The following ABHD6 variants were observed in gnomAD, a reference collection of about 807,000 sequenced individuals.
ABHD6 encodes the protein abhydrolase domain containing 6, acylglycerol lipase.
A neutral mutation model predicts 38.8 loss-of-function variants in ABHD6; 33 were observed. The ratio of observed to expected loss-of-function variants is 0.85; its 90% CI spans 0.64 to 1.14. The LOEUF is 1.14. ABHD6 is among the 50% of genes most tolerant of loss of function. The pLI, the probability that ABHD6 is intolerant of heterozygous loss-of-function variation, is 0.00. For synonymous variants in ABHD6, 147 were observed against 161.6 expected (o/e 0.91, Z 0.69); for missense variants, 380 against 422.6 (o/e 0.90, Z 0.88).
rs1014069353 is a variant in ABHD6 at position 58,257,969 on chromosome 3, G to T, written c.119+1264G>T. On this transcript the variant is annotated intron_variant, in intron 3 of 9. Coordinates refer to ENST00000478253, the MANE Select transcript of ABHD6 (RefSeq NM_001320126.2). The surrounding 1 kb of genome is among the most constrained non-coding windows in gnomAD (Gnocchi z 4.8). ...AAATCAAGTATTTAAAAAGTGATAT[G>T]AATATCACTCCCTTAAGTGAAAAGC... Among the ~76,000 whole-genome samples the T allele has an allele frequency of 6.6e-6, 1 of 152,014 alleles. No homozygotes were observed. Among genetic ancestry groups the T allele is most frequent in the East Asian group, 1.9e-4 (1 of 5,186 alleles).
Position 58,285,545 on chromosome 3 carries a change from G to T in ABHD6, c.837+92G>T. The stretch of plus-strand genomic sequence containing the variant: ...GGAAGAACAAGTGGTTATTTATGGA[G>T]TGAGCTGATCGCTGCTGTCAGGAAG... On this transcript the variant is annotated intron_variant, in intron 9 of 9. Coordinates refer to ENST00000478253, the MANE Select transcript of ABHD6 (RefSeq NM_001320126.2). The surrounding 1 kb of genome is among the most constrained non-coding windows in gnomAD (Gnocchi z 4.9). 1.8e-6 allele frequency: 2 copies of T among 1,129,572 alleles called. No individual in the cohort carries two copies. The highest frequency in any genetic ancestry group is 3.0e-5 in the African/African-American group (2 of 65,676). The allele number at this position is 1,129,572 out of a possible 1,614,324, so 70.0% of individuals were successfully genotyped here. A position where few individuals can be genotyped will look rare whatever the true frequency, so the allele number is the denominator to read the frequency against.
chr3:58,240,750 A>G (rs1207029501), intron 1 of ABHD6, among the ~76,000 whole-genome samples: 1 of 39,192 alleles, frequency 2.6e-5, no homozygotes, highest in South Asian at 6.2e-4. Context: ...TTTTTTTTTG[A>G]GACGGAGTCT....
chr3:58,261,416 G>A (rs1238918661), intron 3 of ABHD6, among the ~76,000 whole-genome samples: 1 of 152,116 alleles, frequency 6.6e-6, no homozygotes, highest in East Asian at 1.9e-4. Flanking sequence ...GATTGCTTGA[G>A]CCCAGGAGTT....
intron 9 of ABHD6, among the ~76,000 whole-genome samples, chr3:58,289,688 C>T (rs575347613): frequency 1.3e-5 from 2 of 152,334 alleles, no homozygotes; most frequent in Admixed American, 6.5e-5. Flanking sequence ...CCCCACCTTT[C>T]CCCCCTTTCT....
intron 9 of ABHD6, among the ~76,000 whole-genome samples, chr3:58,286,776 A>G (rs1438595203): frequency 2.0e-5 from 3 of 148,796 alleles, no homozygotes; most frequent in African/African-American, 7.4e-5. Flanking sequence ...CATGTTTGAA[A>G]GCTTAGATAT....
chr3:58,261,318 A>G (rs1219732734), intron 3 of ABHD6, among the ~76,000 whole-genome samples: 1 of 152,206 alleles, frequency 6.6e-6, no homozygotes, highest in Non-Finnish European at 1.5e-5. Flanking sequence ...AAATCTATAA[A>G]TAATTTGTTG....
chr3:58,267,553 T>C lies in ABHD6; in HGVS notation c.276+208T>C, dbSNP rs1204495017. Among the ~76,000 whole-genome samples, 2 of 152,026 alleles carry C rather than the reference T, an allele frequency of 1.3e-5. No homozygotes were observed. Among genetic ancestry groups the C allele is most frequent in the African/African-American group, 4.8e-5 (2 of 41,376 alleles). On this transcript the variant is annotated intron_variant, in intron 4 of 9. Transcript: ENST00000478253. This position sits in a 1 kb window ranked among gnomAD's most constrained non-coding sequence, Gnocchi z 4.3. ...GGTGGTGCATGCCTGTAGTCCTGGCTACTCAGGAGACTGAGGTGGGAAGAT... is the reference window on the plus strand; with the variant it reads ...GGTGGTGCATGCCTGTAGTCCTGGCCACTCAGGAGACTGAGGTGGGAAGAT...
rs145474633 is a variant in ABHD6 at position 58,262,483 on chromosome 3, A to G, written c.120-4706A>G. Among the ~76,000 whole-genome samples, 34 of 152,298 alleles carry G rather than the reference A, an allele frequency of 2.2e-4. 1 individual carries two copies. The highest frequency in any genetic ancestry group is 8.2e-4 in the African/African-American group (34 of 41,558). ...TTGGGGCTTTTCTATTTAGGTCAAT[A>G]GAGCCTTCAATGACTTCTGTCCCTG... On this transcript the variant is annotated intron_variant, in intron 3 of 9. Coordinates refer to ENST00000478253, the MANE Select transcript of ABHD6 (RefSeq NM_001320126.2).
At chr3:58,247,069 C>T (rs2097426934) in intron 1 of ABHD6, among the ~76,000 whole-genome samples, 1 of 147,450 alleles carries the variant, frequency 6.8e-6, no homozygotes, top group Non-Finnish European at 1.5e-5. Flanking sequence ...CAGAGCCTTA[C>T]TCTGTCACCC....
chr3:58,280,123 T>G (rs2097452013), intron 7 of ABHD6, among the ~76,000 whole-genome samples: 1 of 152,210 alleles, frequency 6.6e-6, no homozygotes, highest in Admixed American at 6.5e-5. Flanking sequence ...TTCCTGAATT[T>G]GAATGTTGGC....
rs1246722285 is a variant in ABHD6 at position 58,289,360 on chromosome 3, TCCTAGGCAGAGGA to T, written c.837+3910_837+3922del. Among the ~76,000 whole-genome samples, 3 of 151,778 alleles carry T rather than the reference TCCTAGGCAGAGGA, an allele frequency of 2.0e-5. No individual in the cohort carries two copies. The East Asian group carries it at 5.8e-4, about 29-fold the overall frequency. The stretch of plus-strand genomic sequence containing the variant: ...ACAAGTGAACAAAGGTCTCTGGTTT[TCCTAGGCAGAGGA>T]CCCTGAGGCCTTCCGCAGTGTTTGT... On this transcript the variant is annotated intron_variant, in intron 9 of 9. Transcript: ENST00000478253.
intron 2 of ABHD6, among the ~76,000 whole-genome samples, chr3:58,252,658 A>G (rs1325350490): frequency 1.3e-5 from 2 of 152,194 alleles, no homozygotes; most frequent in African/African-American, 2.4e-5. Context: ...CCTGCTCACT[A>G]AAGTCATCTT....
At chr3:58,264,207 G>A (rs1416615985) in intron 3 of ABHD6, among the ~76,000 whole-genome samples, 3 of 151,962 alleles carry the variant, frequency 2.0e-5, no homozygotes, top group Non-Finnish European at 2.9e-5. Flanking sequence ...AACACATAAC[G>A]CTGGCTGGAA....
chr3:58,254,851 TACAC>T (rs58771259), intron 2 of ABHD6, among the ~76,000 whole-genome samples: 42,726 of 146,694 alleles, frequency 0.29, 7,048 homozygotes, highest in East Asian at 0.76. Context: ...TATATGTGTA[TACAC>T]ACACACACAC....
At chr3:58,262,323 T>C (rs1575520708) in intron 3 of ABHD6, among the ~76,000 whole-genome samples, 2 of 152,356 alleles carry the variant, frequency 1.3e-5, no homozygotes, top group East Asian at 3.9e-4. Context: ...GTTTATGTTA[T>C]GTCTGTTTTA....
At chr3:58,276,438 C>G (rs2097448771) in intron 7 of ABHD6, among the ~76,000 whole-genome samples, 1 of 152,100 alleles carries the variant, frequency 6.6e-6, no homozygotes, top group African/African-American at 2.4e-5. Flanking sequence ...CTGTTCATAT[C>G]CTTTGCCCAC....
chr3:58,255,983 T>C (rs2097432954), intron 2 of ABHD6, among the ~76,000 whole-genome samples: 1 of 151,984 alleles, frequency 6.6e-6, no homozygotes, highest in African/African-American at 2.4e-5. Flanking sequence ...TACAGAAAGA[T>C]TGAAAGGATA....
intron 9 of ABHD6, among the ~76,000 whole-genome samples, chr3:58,288,488 A>G (rs1224808568): frequency 1.3e-5 from 2 of 152,168 alleles, no homozygotes; most frequent in East Asian, 3.8e-4. Context: ...CAGACAGGCT[A>G]TTATTCTTTA....
At position 58,267,384 on chromosome 3, in the gene ABHD6, G is replaced by A; in HGVS notation, c.276+39G>A. Reference sequence around the variant, plus strand: ...TTCTTCTCTCTTATAAGAAAAGGGAGTTGGGTGCTGTGGCTCATGCCTATA... The same window carrying A: ...TTCTTCTCTCTTATAAGAAAAGGGAATTGGGTGCTGTGGCTCATGCCTATA... On this transcript the variant is annotated intron_variant, in intron 4 of 9. Transcript: ENST00000478253. The surrounding 1 kb of genome is among the most constrained non-coding windows in gnomAD (Gnocchi z 4.3). 3 of 1,610,776 alleles carry A rather than the reference G, an allele frequency of 1.9e-6. No homozygotes were observed. The highest frequency in any genetic ancestry group is 2.5e-6 in the Non-Finnish European group (3 of 1,178,364).
Sources: gnomAD v4.1 joint callset for allele counts (sites outside exome capture counted in the v4.1 genomes callset) on GRCh38, gnomAD v4.1.1 for gene constraint, Gnocchi (gnomAD v3.1) non-coding constraint, MANE v1.5 for transcripts, NCBI Gene and HGNC (gene_info 2026-07-23, HGNC 2026-07-21) for gene names.